SLC14A2: variants seen among roughly 807,000 people sequenced by gnomAD.
The protein encoded by SLC14A2 is solute carrier family 14 member 2.
SLC14A2 carries 91 observed loss-of-function variants against 104.6 expected under a neutral mutation model. The ratio of observed to expected loss-of-function variants is 0.87; its 90% CI spans 0.73 to 1.04. The LOEUF is 1.04. Among genes scored for constraint, SLC14A2 ranks in the 50% least tolerant of loss-of-function variants. SLC14A2 has a pLI of 0.00. For missense variants in SLC14A2, 1,189 were observed against 1,156.0 expected, an observed-to-expected ratio of 1.03 and a Z score of -0.41; for synonymous variants, 476 against 466.4, an observed-to-expected ratio of 1.02 and a Z score of -0.27.
intron 2 of SLC14A2, among the ~76,000 whole-genome samples, chr18:45,510,527 A>G (rs1378686562): frequency 1.3e-5 from 2 of 152,000 alleles, no homozygotes; most frequent in Non-Finnish European, 2.9e-5. Context: ...GCCTGGCCCA[A>G]TCTTTCATGG....
At position 45,457,285 on chromosome 18, in the gene SLC14A2, C is replaced by T. The variant is rs55884146; in HGVS notation, c.-124-25948C>T. Among the ~76,000 whole-genome samples the T allele has an allele frequency of 7.4e-3, 1,121 of 152,140 alleles. 20 individuals carry two copies. The South Asian group carries it at 0.074, about 10-fold the overall frequency. On this transcript the variant is annotated intron_variant, in intron 1 of 20. Coordinates refer to the SLC14A2 transcript ENST00000586448. Reference sequence around the variant, plus strand: ...GCCCTTTTTCAGCCAGTTTGCTGGACAATGGTTCCTGAAAGCCCCCCTACC... The same window carrying T: ...GCCCTTTTTCAGCCAGTTTGCTGGATAATGGTTCCTGAAAGCCCCCCTACC...
At chr18:45,234,921 A>T (rs2084210292) in intron 1 of SLC14A2, among the ~76,000 whole-genome samples, 1 of 152,192 alleles carries the variant, frequency 6.6e-6, no homozygotes, top group Non-Finnish European at 1.5e-5. Context: ...AGACAGATGA[A>T]GCAGGTGTTA....
chr18:45,298,240 C>T (rs2084935563), intron 1 of SLC14A2, among the ~76,000 whole-genome samples: 1 of 152,166 alleles, frequency 6.6e-6, no homozygotes, highest in East Asian at 1.9e-4. Flanking sequence ...TTCTAGGAGA[C>T]ATCCCAGTAA....
chr18:45,614,391 C>G (rs1244933365), upstream of SLC14A2, among the ~76,000 whole-genome samples: 1 of 152,224 alleles, frequency 6.6e-6, no homozygotes, highest in East Asian at 1.9e-4. Context: ...CACAGAGTCC[C>G]CACTGGAGGA....
chr18:45,667,876 C>T lies in SLC14A2; in HGVS notation c.1761C>T (p.Gly587=), dbSNP rs2046055256. 1.2e-6 allele frequency: 2 copies of T among 1,614,122 alleles called. No homozygotes were observed. Among genetic ancestry groups the T allele is most frequent in the Non-Finnish European group, 1.7e-6 (2 of 1,179,980 alleles). Reference sequence around the variant, plus strand: ...AGTTCTTTGACTGGGTCCTCCGAGGCACATCTCAAGTGATGTTTGTGAACA... The same window carrying T: ...AGTTCTTTGACTGGGTCCTCCGAGGTACATCTCAAGTGATGTTTGTGAACA... ...VFQFFDWVLR[G]TSQVMFVNNP... Residue 587 remains glycine (G), a synonymous_variant, in exon 14 of 20, where the codon GGC becomes GGT. Coordinates refer to ENST00000255226, the MANE Select transcript of SLC14A2 (RefSeq NM_007163.4).
chr18:45,290,151 G>T (rs895749569), intron 1 of SLC14A2, among the ~76,000 whole-genome samples: 4 of 152,026 alleles, frequency 2.6e-5, no homozygotes, highest in African/African-American at 9.7e-5. Context: ...GTGCAGGTTT[G>T]TTACACAAGT....
At chr18:45,276,854 G>A (rs544379217) in intron 1 of SLC14A2, among the ~76,000 whole-genome samples, 1 of 152,334 alleles carries the variant, frequency 6.6e-6, no homozygotes, top group South Asian at 2.1e-4. Flanking sequence ...ACTTTCCACT[G>A]TAGCCCTGGC....
At chr18:45,221,048 G>C (rs547477556) in intron 1 of SLC14A2, among the ~76,000 whole-genome samples, 1 of 152,280 alleles carries the variant, frequency 6.6e-6, no homozygotes, top group Non-Finnish European at 1.5e-5. Flanking sequence ...ACCACTTTAA[G>C]AGCCCTATCT....
chr18:45,329,363 G>A lies in SLC14A2; in HGVS notation c.-125+116172G>A, dbSNP rs7237655. On this transcript the variant is annotated intron_variant, in intron 1 of 20. Transcript: ENST00000586448. ...GATGAGTGTGTATGTGTGCATGCTG[G>A]CAGCACCCTGCCTCTAGAGTGATCC... 3.5e-3 allele frequency among the ~76,000 whole-genome samples: 535 copies of A among 152,266 alleles called. 6 individuals are homozygous for A. Among genetic ancestry groups the A allele is most frequent in the African/African-American group, 0.012 (509 of 41,546 alleles).
intron 1 of SLC14A2, among the ~76,000 whole-genome samples, chr18:45,321,066 G>A (rs1317711653): frequency 6.6e-6 from 1 of 152,182 alleles, no homozygotes; most frequent in Non-Finnish European, 1.5e-5. Context: ...CTGTTTTCTT[G>A]TGTTTACACA....
chr18:45,476,245 G>C (rs1213006496), intron 1 of SLC14A2, among the ~76,000 whole-genome samples: 1 of 152,092 alleles, frequency 6.6e-6, no homozygotes, highest in Non-Finnish European at 1.5e-5. Context: ...ATGAAGATTA[G>C]TTTGGCTGGA....
chr18:45,385,349 A>G (rs1002426303), intron 1 of SLC14A2, among the ~76,000 whole-genome samples: 3 of 152,248 alleles, frequency 2.0e-5, no homozygotes, highest in Admixed American at 6.5e-5. Flanking sequence ...CAAGCTCCAC[A>G]GCAAGGTGTT....
intron 1 of SLC14A2, among the ~76,000 whole-genome samples, chr18:45,344,197 G>T (rs762297686): frequency 1.2e-4 from 19 of 152,116 alleles, no homozygotes; most frequent in Non-Finnish European, 2.2e-4. Context: ...AATATACACT[G>T]ATCTATTCAT....
intron 2 of SLC14A2, among the ~76,000 whole-genome samples, chr18:45,510,584 C>T (rs969937054): frequency 6.6e-6 from 1 of 152,008 alleles, no homozygotes; most frequent in Non-Finnish European, 1.5e-5. Flanking sequence ...CAGGGTCCTG[C>T]CTCCCGAAAG....
the SLC14A2 span, chr18:45,181,304 C>T: frequency 6.6e-6 from 1 of 152,270 alleles, no homozygotes; most frequent in African/African-American, 2.4e-5. Flanking sequence ...ACTCAACACT[C>T]TATGGGGTAA....
At chr18:45,313,860 C>A (rs1314761609) in intron 1 of SLC14A2, among the ~76,000 whole-genome samples, 1 of 152,210 alleles carries the variant, frequency 6.6e-6, no homozygotes, top group Non-Finnish European at 1.5e-5. Flanking sequence ...TAGAAAAGGG[C>A]TTTCTGTTCC....
chr18:45,469,236 A>G (rs1209872841), intron 1 of SLC14A2, among the ~76,000 whole-genome samples: 1 of 152,192 alleles, frequency 6.6e-6, no homozygotes, highest in Non-Finnish European at 1.5e-5. Context: ...ATAATGGACA[A>G]TTATTTAGGA....
chr18:45,601,109 G>T (rs1011316382), intron 2 of SLC14A2, among the ~76,000 whole-genome samples: 1 of 152,166 alleles, frequency 6.6e-6, no homozygotes, highest in Non-Finnish European at 1.5e-5. Flanking sequence ...AAACCTGACT[G>T]CCTCCCCTCA....
chr18:45,290,323 A>G (rs190688252), intron 1 of SLC14A2, among the ~76,000 whole-genome samples: 1 of 152,220 alleles, frequency 6.6e-6, no homozygotes, highest in Non-Finnish European at 1.5e-5. Flanking sequence ...TGCCCATGTC[A>G]TTGCAAAATT....
Sources: allele counts gnomAD v4.1 joint callset (sites outside exome capture counted in the v4.1 genomes callset), GRCh38; gene constraint gnomAD v4.1.1; transcripts MANE v1.5; gene names NCBI Gene and HGNC (gene_info 2026-07-23, HGNC 2026-07-21).